The following SUPT3H variants were observed in gnomAD, a reference collection of about 807,000 sequenced individuals.
The protein encoded by SUPT3H is transcription initiation protein SPT3 homolog.
Under a neutral mutation model 44.3 loss-of-function variants are expected in SUPT3H, and 44 were observed. The ratio of observed to expected loss-of-function variants is 0.99; its 90% CI spans 0.78 to 1.28. The LOEUF (loss-of-function observed/expected upper bound fraction) is 1.28, where lower values mean the gene tolerates loss of function less well. SUPT3H is among the 50% of genes most tolerant of loss of function. SUPT3H has a pLI of 0.00. For missense variants in SUPT3H, 380 were observed against 387.1 expected, an observed-to-expected ratio of 0.98 and a Z score of 0.15; for synonymous variants, 124 against 125.6, an observed-to-expected ratio of 0.99 and a Z score of 0.09.
chr6:45,144,526 T>C (rs751002275), intron 2 of SUPT3H, among the ~76,000 whole-genome samples: 1 of 152,090 alleles, frequency 6.6e-6, no homozygotes, highest in African/African-American at 2.4e-5. Flanking sequence ...AACCCATCTA[T>C]GACAAATGTA....
At chr6:45,155,020 G>T (rs1807586144) in intron 2 of SUPT3H, among the ~76,000 whole-genome samples, 1 of 151,820 alleles carries the variant, frequency 6.6e-6, no homozygotes, top group Non-Finnish European at 1.5e-5. Flanking sequence ...CATCTTAGAA[G>T]GAAAAAAGTT....
At chr6:45,027,993 G>A (rs541576666) in intron 3 of SUPT3H, among the ~76,000 whole-genome samples, 226 of 152,240 alleles carry the variant, frequency 1.5e-3, no homozygotes, top group African/African-American at 5.1e-3. Flanking sequence ...CTGAAAATTC[G>A]TGATGCTTCT....
chr6:45,089,968 T>C lies in SUPT3H; in HGVS notation c.186+15954A>G, dbSNP rs73737879. ...GACCTTGAAAATCTGGTCCCAAGTG[T>C]CTTTTTCATCACCTTTCTCCATCAT... On this transcript the variant is annotated intron_variant, in intron 3 of 10. Coordinates refer to ENST00000371459, the MANE Select transcript of SUPT3H (RefSeq NM_003599.4). 8.6e-3 allele frequency among the ~76,000 whole-genome samples: 1,309 copies of C among 152,206 alleles called. 24 individuals carry two copies. Among genetic ancestry groups the C allele is most frequent in the African/African-American group, 0.03 (1,233 of 41,558 alleles).
chr6:44,877,522 C>T (rs1777509542), intron 10 of SUPT3H, among the ~76,000 whole-genome samples: 1 of 151,828 alleles, frequency 6.6e-6, no homozygotes, highest in Admixed American at 6.6e-5. Flanking sequence ...CAGGTGTGTC[C>T]TTACAGGTAA....
At chr6:45,357,535 G>A (rs74482161) in intron 2 of SUPT3H, among the ~76,000 whole-genome samples, 3,932 of 151,854 alleles carry the variant, frequency 0.026, 187 homozygotes, top group African/African-American at 0.089. Flanking sequence ...TATGTTGCCC[G>A]GGCTAGTCTC....
intron 2 of SUPT3H, among the ~76,000 whole-genome samples, chr6:45,163,390 T>C (rs1809352023): frequency 6.6e-6 from 1 of 152,140 alleles, no homozygotes; most frequent in Non-Finnish European, 1.5e-5. Flanking sequence ...TAAAATAATC[T>C]TCTATCTAAT....
intron 6 of SUPT3H, among the ~76,000 whole-genome samples, chr6:44,986,726 T>A (rs1047261078): frequency 2.6e-5 from 4 of 152,094 alleles, no homozygotes; most frequent in Non-Finnish European, 5.9e-5. Context: ...ATAAAATATA[T>A]TTATTGAGCA....
intron 11 of SUPT3H, among the ~76,000 whole-genome samples, chr6:44,815,549 A>G (rs1208571794): frequency 1.3e-5 from 2 of 152,216 alleles, no homozygotes; most frequent in Non-Finnish European, 2.9e-5. Flanking sequence ...GACCAAGTAC[A>G]CTTCAGAACA....
intron 3 of SUPT3H, among the ~76,000 whole-genome samples, chr6:45,056,468 A>AT (rs1373521488): frequency 1.3e-5 from 2 of 152,204 alleles, no homozygotes; most frequent in African/African-American, 4.8e-5. Context: ...AAGAAAATGT[A>AT]TAGGTACATC....
At chr6:45,236,539 C>T (rs1769184608) in intron 2 of SUPT3H, among the ~76,000 whole-genome samples, 1 of 152,082 alleles carries the variant, frequency 6.6e-6, no homozygotes, top group Admixed American at 6.5e-5. Context: ...TACCCTTCTG[C>T]ACCCCCTCCT....
At chr6:44,996,738 C>G (rs892112400) in intron 6 of SUPT3H, among the ~76,000 whole-genome samples, 1 of 151,768 alleles carries the variant, frequency 6.6e-6, no homozygotes, top group Admixed American at 6.6e-5. Context: ...GAAACAAAAG[C>G]CTAGAAAGTC....
intron 7 of SUPT3H, among the ~76,000 whole-genome samples, chr6:44,957,744 G>A (rs1775425664): frequency 6.6e-6 from 1 of 151,360 alleles, no homozygotes. Flanking sequence ...GGCATTAGCA[G>A]ACTCACAAGA....
chr6:44,902,094 G>A (rs1337809085), intron 10 of SUPT3H, among the ~76,000 whole-genome samples: 2 of 152,078 alleles, frequency 1.3e-5, no homozygotes, highest in South Asian at 2.1e-4. Context: ...GACCATCGAG[G>A]CTAGGAAGAA....
chr6:45,373,520 C>A (rs1405320264), intron 1 of SUPT3H, among the ~76,000 whole-genome samples: 2 of 152,044 alleles, frequency 1.3e-5, no homozygotes, highest in Non-Finnish European at 2.9e-5. Flanking sequence ...CAAAAAAGCA[C>A]CATTACTGTG....
rs758392852 is a variant in SUPT3H at position 45,328,424 on chromosome 6, C to T, written c.101+36777G>A. 1.7e-5 allele frequency: 24 copies of T among 1,429,790 alleles called. No individual in the cohort carries two copies. In the East Asian group the frequency reaches 7.2e-4, roughly 43 times the overall value. The allele number at this position is 1,429,790 out of a possible 1,614,324, so 88.6% of individuals were successfully genotyped here. On this transcript the variant is annotated intron_variant, in intron 2 of 10. Coordinates refer to ENST00000371459, the MANE Select transcript of SUPT3H (RefSeq NM_003599.4). Reference sequence around the variant, plus strand: ...CTCTGGTTTTTAAATGGTTAATCTCCGCAGGTCACTACCAGCCACCGAGAC... The same window carrying T: ...CTCTGGTTTTTAAATGGTTAATCTCTGCAGGTCACTACCAGCCACCGAGAC...
At chr6:45,173,617 T>A (rs1002784297) in intron 2 of SUPT3H, among the ~76,000 whole-genome samples, 1 of 152,212 alleles carries the variant, frequency 6.6e-6, no homozygotes, top group Non-Finnish European at 1.5e-5. Context: ...ATGCAGAAGT[T>A]TGATTATTTC....
intron 2 of SUPT3H, among the ~76,000 whole-genome samples, chr6:45,307,743 C>G (rs186605026): frequency 6.6e-6 from 1 of 152,216 alleles, no homozygotes; most frequent in Admixed American, 6.5e-5. Context: ...CAGCTCCTCA[C>G]AAGAAACGGA....
chr6:44,881,566 C>A (rs1350046406), intron 10 of SUPT3H, among the ~76,000 whole-genome samples: 1 of 152,172 alleles, frequency 6.6e-6, no homozygotes, highest in African/African-American at 2.4e-5. Context: ...ACTCTCCACC[C>A]CAAATCAACA....
chr6:45,064,926 C>A (rs1478332881), intron 3 of SUPT3H, among the ~76,000 whole-genome samples: 1 of 147,542 alleles, frequency 6.8e-6, no homozygotes, highest in African/African-American at 2.5e-5. Context: ...ACAAGGATAC[C>A]CAGGAATTGA....
Sources: allele counts gnomAD v4.1 joint callset (sites outside exome capture counted in the v4.1 genomes callset), GRCh38; gene constraint gnomAD v4.1.1; transcripts MANE v1.5; gene names NCBI Gene and HGNC (gene_info 2026-07-23, HGNC 2026-07-21).